The following AKT3 variants were observed in gnomAD, a reference collection of about 807,000 sequenced individuals.
AKT3 encodes AKT serine/threonine kinase 3.
AKT3 carries 15 observed loss-of-function variants against 65.3 expected under a neutral mutation model. The ratio of observed to expected loss-of-function variants is 0.23; its 90% CI spans 0.15 to 0.35. AKT3 has a LOEUF of 0.35. AKT3 is among the 10% of genes least tolerant of loss of function. The pLI is 1.00. For synonymous variants in AKT3, 206 were observed against 183.8 expected, an observed-to-expected ratio of 1.12 and a Z score of -0.98; for missense variants, 243 against 576.5, an observed-to-expected ratio of 0.42 and a Z score of 5.92.
In AKT3 at chr1:243,730,246, T is replaced by C. The variant is rs546616222; in HGVS notation, c.47-34530A>G. ...AGCCCATAAAAACCCCAGCTTCAGC[T>C]GGACTCAAGGTAAGTAAGGACTACC... On this transcript the variant is annotated intron_variant, in intron 2 of 13. Transcript: ENST00000673466. Among the ~76,000 whole-genome samples, 4 of 152,000 alleles carry C rather than the reference T, an allele frequency of 2.6e-5. No individual in the cohort carries two copies. In the East Asian group the frequency reaches 7.7e-4, roughly 29 times the overall value.
intron 13 of AKT3, among the ~76,000 whole-genome samples, chr1:243,509,887 G>A (rs1002557504): frequency 9.9e-5 from 15 of 152,124 alleles, no homozygotes; most frequent in Middle Eastern, 3.4e-3. Flanking sequence ...ACCGGCCATC[G>A]CCCAGAACTG....
chr1:243,693,952 A>G (rs1684890557), intron 3 of AKT3, among the ~76,000 whole-genome samples: 1 of 152,208 alleles, frequency 6.6e-6, no homozygotes, highest in African/African-American at 2.4e-5. Flanking sequence ...TCATGGATAA[A>G]TAAGCTGACT....
intron 12 of AKT3, among the ~76,000 whole-genome samples, chr1:243,536,590 A>AT (rs926030525): frequency 6.6e-6 from 1 of 151,540 alleles, no homozygotes; most frequent in Non-Finnish European, 1.5e-5. Context: ...CCTCATTCTT[A>AT]TTTTTTCCAG....
At chr1:243,762,819 T>G (rs1689570862) in intron 2 of AKT3, among the ~76,000 whole-genome samples, 1 of 152,104 alleles carries the variant, frequency 6.6e-6, no homozygotes, top group African/African-American at 2.4e-5. Context: ...TTATAGTGAA[T>G]TTTAATGTTG....
At chr1:243,547,107 C>A (rs1455361081) in intron 11 of AKT3, 2 of 152,108 alleles carry the variant, frequency 1.3e-5, no homozygotes, top group Non-Finnish European at 2.9e-5. Flanking sequence ...ACAGTAAGTG[C>A]AGCCCCAACT....
chr1:243,492,308 T>TG (rs1666671349), intron 13 of AKT3, among the ~76,000 whole-genome samples: 2 of 125,276 alleles, frequency 1.6e-5, no homozygotes, highest in African/African-American at 6.1e-5. Context: ...TTTTTTTTTT[T>TG]TTTTTTTTTT....
chr1:243,509,717 A>G (rs1352684746), intron 13 of AKT3, among the ~76,000 whole-genome samples: 1 of 152,094 alleles, frequency 6.6e-6, no homozygotes, highest in Non-Finnish European at 1.5e-5. Context: ...ACTATGGACT[A>G]GCCAATCTGG....
chr1:243,562,722 C>T (rs1009639124), intron 10 of AKT3, among the ~76,000 whole-genome samples: 1 of 152,104 alleles, frequency 6.6e-6, no homozygotes, highest in South Asian at 2.1e-4. Context: ...TACCAGTGGA[C>T]AGGCAGCAGA....
At chr1:243,508,823 G>A (rs9803993) in intron 13 of AKT3, among the ~76,000 whole-genome samples, 30,779 of 151,734 alleles carry the variant, frequency 0.2, 3,255 homozygotes, top group East Asian at 0.28. Context: ...GCACCACCAC[G>A]TCTGGCTAAT....
In AKT3 at chr1:243,835,208, C is replaced by T. The variant is rs571137715; in HGVS notation, c.46+7917G>A. 5.6e-4 allele frequency among the ~76,000 whole-genome samples: 86 copies of T among 152,260 alleles called. 1 individual carries two copies. The highest frequency in any genetic ancestry group is 1.9e-3 in the African/African-American group (77 of 41,550). On this transcript the variant is annotated intron_variant, in intron 2 of 13. Coordinates refer to ENST00000673466, the MANE Select transcript of AKT3 (RefSeq NM_005465.7). ...ATATCTGGCCTCTACCCACTAGATG[C>T]CAGTAGCAATCCCACCCCCACATCA...
At chr1:243,800,960 G>A (rs1572372289) in intron 2 of AKT3, among the ~76,000 whole-genome samples, 1 of 152,148 alleles carries the variant, frequency 6.6e-6, no homozygotes, top group African/African-American at 2.4e-5. Context: ...TTCAGTAGGG[G>A]TGATGGCTGA....
chr1:243,605,612 T>C (rs1677344356), intron 8 of AKT3, among the ~76,000 whole-genome samples: 1 of 152,224 alleles, frequency 6.6e-6, no homozygotes, highest in East Asian at 1.9e-4. Flanking sequence ...TTTGAATTCA[T>C]ATAAATTACA....
intron 3 of AKT3, among the ~76,000 whole-genome samples, chr1:243,676,520 C>T (rs962659522): frequency 2.0e-5 from 3 of 152,188 alleles, no homozygotes; most frequent in African/African-American, 4.8e-5. Flanking sequence ...CAAGCTCCAT[C>T]CCCATATGGC....
chr1:243,739,264 GATC>G (rs1688009007), intron 2 of AKT3, among the ~76,000 whole-genome samples: 1 of 152,042 alleles, frequency 6.6e-6, no homozygotes, highest in Non-Finnish European at 1.5e-5. Flanking sequence ...TCCAAAATAT[GATC>G]ATTTCAACAT....
At chr1:243,564,151 T>C (rs1435535909) in intron 9 of AKT3, among the ~76,000 whole-genome samples, 2 of 152,172 alleles carry the variant, frequency 1.3e-5, no homozygotes, top group Non-Finnish European at 2.9e-5. Context: ...AAAGCAAACA[T>C]CAATCCTCTT....
intron 8 of AKT3, among the ~76,000 whole-genome samples, chr1:243,604,158 G>C (rs1231442853): frequency 6.6e-6 from 1 of 152,060 alleles, no homozygotes; most frequent in East Asian, 1.9e-4. Flanking sequence ...GCCTCCCATA[G>C]TGCTGAGATT....
chr1:243,552,836 C>T lies in AKT3; in HGVS notation c.1056G>A (p.Glu352=), dbSNP rs550315458. 6 of 1,613,996 alleles carry T rather than the reference C, an allele frequency of 3.7e-6. 1 individual carries two copies. The South Asian group carries it at 6.6e-5, about 18-fold the overall frequency. Residue 352 remains glutamate, a synonymous_variant, in exon 11 of 14, where the codon GAG becomes GAA. Transcript: ENST00000673466. ...CCATTAATATTAATTCAAAAAGTTT[C>T]TCATGGTCCTGGTTGTAGAAAGGTA... The part of the protein sequence containing the change: ...GRLPFYNQDH[E]KLFELILMED...
chr1:243,570,828 G>A (rs765489012), intron 9 of AKT3, among the ~76,000 whole-genome samples: 1 of 152,066 alleles, frequency 6.6e-6, no homozygotes, highest in Admixed American at 6.5e-5. Context: ...TTAAGTTAAG[G>A]CTATATTTTT....
intron 11 of AKT3, among the ~76,000 whole-genome samples, chr1:243,545,959 C>CCA: frequency 6.6e-6 from 1 of 152,100 alleles, no homozygotes; most frequent in East Asian, 1.9e-4. Context: ...GGGTTAGAAA[C>CCA]AACATAGGAA....
Sources: gnomAD v4.1 joint callset for allele counts (sites outside exome capture counted in the v4.1 genomes callset) on GRCh38, gnomAD v4.1.1 for gene constraint, MANE v1.5 for transcripts, NCBI Gene and HGNC (gene_info 2026-07-23, HGNC 2026-07-21) for gene names.